Variants in SRGAP1 observed in about 807,000 individuals in gnomAD.
The protein encoded by SRGAP1 is SLIT-ROBO Rho GTPase-activating protein 1.
SRGAP1 carries 43 observed loss-of-function variants against 121.9 expected under a neutral mutation model. The ratio of observed to expected loss-of-function variants is 0.35; its 90% CI spans 0.28 to 0.46. The LOEUF is 0.46. Among genes scored for constraint, SRGAP1 ranks in the 20% least tolerant of loss-of-function variants. SRGAP1 has a pLI of 1.00. For synonymous variants in SRGAP1, 447 were observed against 485.4 expected (o/e 0.92, Z 1.04); for missense variants, 1,102 against 1,350.9 (o/e 0.82, Z 2.89).
intron 21 of SRGAP1, among the ~76,000 whole-genome samples, chr12:64,140,658 T>A (rs1055798812): frequency 4.2e-5 from 6 of 142,744 alleles, no homozygotes; most frequent in African/African-American, 1.6e-4. Context: ...ATAGGAACAC[T>A]TTTACACTGT....
intron 14 of SRGAP1, 149 bp downstream of exon 14, chr12:64,095,353 C>T (rs1322683989): frequency 6.0e-6 from 4 of 665,244 alleles, no homozygotes; most frequent in South Asian, 2.0e-5. Flanking sequence ...CATTAAGAAT[C>T]GCTGAGAAAT....
rs2032339511 is a variant in SRGAP1, at chr12:63,952,787, A to G, written c.68-31160A>G. Among the ~76,000 whole-genome samples, 5 of 152,266 alleles carry G rather than the reference A, an allele frequency of 3.3e-5. No individual in the cohort carries two copies. The South Asian group carries it at 1.0e-3, about 32-fold the overall frequency. On this transcript the variant is annotated intron_variant, in intron 1 of 21. Coordinates refer to ENST00000355086, the MANE Select transcript of SRGAP1 (RefSeq NM_020762.4). ...TAGGGAGGAAGGGAAAAGGAGTTAC[A>G]GGTGCTAACACTTTTAATTTTTTTA... is the stretch of plus-strand genomic sequence containing the variant.
In SRGAP1 at chr12:63,953,399, A is replaced by AT. The variant is rs34352334; in HGVS notation, c.68-30528dup. ...GGTCTTCATGTAAGTTTCTTGATTG[A>AT]TTTTTTTTTTTTTTTTTTTTGGTGG... On this transcript the variant is annotated intron_variant, in intron 1 of 21. Transcript: ENST00000355086. Among the ~76,000 whole-genome samples, 893 of 114,710 alleles carry AT rather than the reference A, an allele frequency of 7.8e-3. 5 individuals carry two copies. Among genetic ancestry groups the AT allele is most frequent in the East Asian group, 0.055 (225 of 4,062 alleles). The allele number at this position is 114,710 out of a possible 152,430, so 75.3% of individuals were successfully genotyped here.
chr12:63,978,333 T>C (rs938562548), intron 1 of SRGAP1, among the ~76,000 whole-genome samples: 11 of 152,200 alleles, frequency 7.2e-5, no homozygotes, highest in African/African-American at 2.7e-4. Flanking sequence ...TTTATTACCC[T>C]ATAAAGAAAC....
rs143253339 is a variant in SRGAP1 at position 63,886,099 on chromosome 12, T to C, written c.67+41216T>C. Among the ~76,000 whole-genome samples, 39 of 152,318 alleles carry C rather than the reference T, an allele frequency of 2.6e-4. No individual in the cohort carries two copies. The East Asian group carries it at 5.2e-3, about 20-fold the overall frequency. On this transcript the variant is annotated intron_variant, in intron 1 of 21. Coordinates refer to ENST00000355086, the MANE Select transcript of SRGAP1 (RefSeq NM_020762.4). ...CTTTGGAGACCGAGTCTCACTCCGC[T>C]GCCCAGGCTGGAGTGCAGCGGCGCA... is the stretch of plus-strand genomic sequence containing the variant.
Position 64,071,772 on chromosome 12 carries a change from CAAG to C in SRGAP1, c.1125+6555_1125+6557del, listed in dbSNP as rs528617596. ...GCTGAAAATGAATTTTGTTCAAAAACAAGAGAGCCTAGCATTTGTAAACATTAC... is the reference window on the plus strand; with the variant it reads ...GCTGAAAATGAATTTTGTTCAAAAACAGAGCCTAGCATTTGTAAACATTAC... On this transcript the variant is annotated intron_variant, in intron 8 of 21. Transcript: ENST00000355086. 1.6e-4 allele frequency among the ~76,000 whole-genome samples: 24 copies of C among 152,034 alleles called. No individual in the cohort carries two copies. The East Asian group carries it at 4.3e-3, about 27-fold the overall frequency.
chr12:63,903,513 T>C (rs1419585798), intron 1 of SRGAP1, among the ~76,000 whole-genome samples: 2 of 152,078 alleles, frequency 1.3e-5, no homozygotes, highest in Non-Finnish European at 2.9e-5. Context: ...CCCAAAGTGC[T>C]GGGATAACAG....
Position 64,043,562 on chromosome 12 carries a change from C to T in SRGAP1, c.788C>T (p.Ser263Phe). The change falls in exon 6 of 22, where the codon TCT (serine) becomes TTT (phenylalanine). Residue 263 changes from serine to phenylalanine, a missense_variant. This residue lies in a region of SRGAP1 where 747 missense variants were observed against 929.4 expected (regional missense o/e 0.80). Coordinates refer to ENST00000355086, the MANE Select transcript of SRGAP1 (RefSeq NM_020762.4). ...SVFKYYIHDL[S>F]DLIDCCDLGY... ...TTCAAGTACTATATTCATGATCTTT[C>T]TGATTTAATTGATGTGAGTACTTGA... The T allele has an allele frequency of 6.2e-7, 1 of 1,605,710 alleles. No homozygotes were observed. The highest frequency in any genetic ancestry group is 2.2e-5 in the East Asian group (1 of 44,514).
At chr12:63,967,632 G>A (rs1411065450) in intron 1 of SRGAP1, among the ~76,000 whole-genome samples, 1 of 152,114 alleles carries the variant, frequency 6.6e-6, no homozygotes, top group Non-Finnish European at 1.5e-5. Flanking sequence ...GGGCTTGGGG[G>A]GATTTGACCC....
At chr12:63,994,491 G>A (rs2033638074) in intron 3 of SRGAP1, among the ~76,000 whole-genome samples, 2 of 152,156 alleles carry the variant, frequency 1.3e-5, no homozygotes, top group Admixed American at 6.5e-5. Context: ...AAATCAGGGA[G>A]TATCCAAGTG....
chr12:63,897,021 G>A (rs1219358353), intron 1 of SRGAP1, among the ~76,000 whole-genome samples: 1 of 152,198 alleles, frequency 6.6e-6, no homozygotes, highest in Non-Finnish European at 1.5e-5. Context: ...CGAGGGAGAT[G>A]AGTGTCAGTA....
In SRGAP1 at chr12:64,153,198, G is replaced by A. The variant is rs973194948; in HGVS notation, c.*10526G>A. The A allele has an allele frequency of 2.6e-5, 4 of 151,914 alleles. No homozygotes were observed. The highest frequency in any genetic ancestry group is 1.3e-4 in the Admixed American group (2 of 15,224). 9.4% of individuals were successfully genotyped at this position (151,914 alleles called of 1,614,324 possible). On this transcript the variant is annotated 3_prime_UTR_variant, in exon 22 of 22. Coordinates refer to ENST00000355086, the MANE Select transcript of SRGAP1 (RefSeq NM_020762.4). ...CATGGGAAAACAGGACCATGCTCAC[G>A]TGGTTAAAGAGTCAAACACATTCAC...
At chr12:63,938,249 A>G (rs796585577) in intron 1 of SRGAP1, among the ~76,000 whole-genome samples, 1 of 152,150 alleles carries the variant, frequency 6.6e-6, no homozygotes, top group Non-Finnish European at 1.5e-5. Flanking sequence ...CTAAATGTAA[A>G]TGCTTACATT....
intron 21 of SRGAP1, among the ~76,000 whole-genome samples, chr12:64,137,961 A>AAATATATATATATATAT (rs372355390): frequency 7.2e-6 from 1 of 139,682 alleles, no homozygotes; most frequent in Non-Finnish European, 1.5e-5. Flanking sequence ...TTAAAAAAAA[A>AAATATATATATATATAT]ATATATATAT....
At chr12:63,932,405 T>C (rs1428567369) in intron 1 of SRGAP1, among the ~76,000 whole-genome samples, 1 of 152,146 alleles carries the variant, frequency 6.6e-6, no homozygotes, top group Non-Finnish European at 1.5e-5. Flanking sequence ...TTACTTTAGA[T>C]TTGCAAAAAA....
chr12:64,087,324 G>A (rs1341779964), intron 11 of SRGAP1, among the ~76,000 whole-genome samples: 3 of 152,010 alleles, frequency 2.0e-5, no homozygotes, highest in Non-Finnish European at 4.4e-5. Flanking sequence ...TCTAAATAGC[G>A]TGACAGGACT....
intron 1 of SRGAP1, among the ~76,000 whole-genome samples, chr12:63,916,262 G>C (rs1046859196): frequency 6.6e-6 from 1 of 151,824 alleles, no homozygotes. Flanking sequence ...TGAGCTCTAG[G>C]GATCTGCCCA....
At chr12:63,959,631 T>G (rs2136377538) in intron 1 of SRGAP1, among the ~76,000 whole-genome samples, 1 of 152,284 alleles carries the variant, frequency 6.6e-6, no homozygotes, top group South Asian at 2.1e-4. Flanking sequence ...TTATTAGTAA[T>G]AAACAGTATG....
intron 18 of SRGAP1, chr12:64,120,619 A>G (rs1453606794): frequency 6.6e-6 from 1 of 152,212 alleles, no homozygotes; most frequent in Non-Finnish European, 1.5e-5. Flanking sequence ...AGAAAGTTCT[A>G]GAACACTAGA....
Sources: allele counts gnomAD v4.1 joint callset (sites outside exome capture counted in the v4.1 genomes callset), GRCh38; gene constraint gnomAD v4.1.1; regional missense constraint gnomAD v4.1.1; transcripts MANE v1.5; gene names NCBI Gene and HGNC (gene_info 2026-07-23, HGNC 2026-07-21).